PTPN4: variants seen among roughly 807,000 people sequenced by gnomAD.
PTPN4 encodes the protein protein tyrosine phosphatase non-receptor type 4.
Under a neutral mutation model 135.5 loss-of-function variants are expected in PTPN4, and 49 were observed. The observed-to-expected ratio is 0.36, with a 90% CI of 0.29 to 0.46. PTPN4 has a LOEUF of 0.46. Ranked by LOEUF, PTPN4 falls within the 20% of genes least tolerant of loss-of-function variation. The probability of loss-of-function intolerance (pLI) is 1.00; values close to 1 mark genes in which losing one functional copy is unlikely to be tolerated. For missense variants in PTPN4, 860 were observed against 1,101.0 expected (o/e 0.78, Z 3.10); for synonymous variants, 333 against 369.9 (o/e 0.90, Z 1.14).
intron 2 of PTPN4, among the ~76,000 whole-genome samples, chr2:119,818,332 C>T (rs529528482): frequency 1.3e-5 from 2 of 152,294 alleles, no homozygotes; most frequent in Non-Finnish European, 2.9e-5. Context: ...GCTAATTTGT[C>T]GTTGTATATT....
At chr2:119,838,577 T>A (rs147025108) in intron 2 of PTPN4, among the ~76,000 whole-genome samples, 85 of 152,346 alleles carry the variant, frequency 5.6e-4, no homozygotes, top group Non-Finnish European at 1.1e-3. Flanking sequence ...GCAGTTGTTA[T>A]TGACTTAAAA....
chr2:119,957,125 A>G (rs1428890077), intron 22 of PTPN4, 48 bp downstream of exon 22: 2 of 1,513,828 alleles, frequency 1.3e-6, no homozygotes, highest in African/African-American at 2.8e-5. Flanking sequence ...AATACGAGCC[A>G]CTATGAACTT....
At chr2:119,962,148 A>G (rs919795513) in intron 23 of PTPN4, among the ~76,000 whole-genome samples, 3 of 152,138 alleles carry the variant, frequency 2.0e-5, no homozygotes, top group African/African-American at 7.2e-5. Context: ...TTAAAAAGGG[A>G]AAAAAGTGAC....
At chr2:119,972,091 T>C (rs1291991142) in intron 26 of PTPN4, among the ~76,000 whole-genome samples, 2 of 152,184 alleles carry the variant, frequency 1.3e-5, no homozygotes, top group Non-Finnish European at 1.5e-5. Context: ...CGTAACTCTT[T>C]TTCATTTTCC....
At chr2:119,914,437 A>G (rs188231758) in intron 10 of PTPN4, among the ~76,000 whole-genome samples, 218 of 152,042 alleles carry the variant, frequency 1.4e-3, no homozygotes, top group Non-Finnish European at 2.3e-3. Context: ...TGACTCATGC[A>G]TTTGCCTCTT....
At chr2:119,853,010 G>A (rs1429762447) in intron 2 of PTPN4, among the ~76,000 whole-genome samples, 1 of 152,090 alleles carries the variant, frequency 6.6e-6, no homozygotes, top group Non-Finnish European at 1.5e-5. Context: ...CAGTTATTCT[G>A]AATTTAGTAA....
chr2:119,845,998 A>G (rs1677493324), intron 2 of PTPN4, among the ~76,000 whole-genome samples: 2 of 152,260 alleles, frequency 1.3e-5, no homozygotes, highest in African/African-American at 4.8e-5. Context: ...TGAATTTTCC[A>G]AATTTCTTTC....
chr2:119,903,966 C>T (rs1408718908), intron 10 of PTPN4, among the ~76,000 whole-genome samples: 1 of 152,144 alleles, frequency 6.6e-6, no homozygotes, highest in Non-Finnish European at 1.5e-5. Context: ...GAATCAAAGC[C>T]AAAGCACCCT....
Position 119,975,681 on chromosome 2 carries a change from C to T in PTPN4, c.2695-1303C>T, listed in dbSNP as rs11894657. 3.7e-3 allele frequency among the ~76,000 whole-genome samples: 560 copies of T among 152,134 alleles called. 3 individuals carry two copies. Among genetic ancestry groups the T allele is most frequent in the African/African-American group, 0.013 (528 of 41,516 alleles). ...AGGAGGTTGCAGTAAGTCAAGATTG[C>T]GCCATTGAACTCTAGCCTGGGTGAC... On this transcript the variant is annotated intron_variant, in intron 26 of 26. Coordinates refer to ENST00000263708, the MANE Select transcript of PTPN4 (RefSeq NM_002830.4).
At chr2:119,804,068 T>C (rs1691423047) in intron 1 of PTPN4, among the ~76,000 whole-genome samples, 1 of 152,128 alleles carries the variant, frequency 6.6e-6, no homozygotes, top group African/African-American at 2.4e-5. Context: ...GACAGCATTA[T>C]AGCTGGGCCA....
intron 9 of PTPN4, among the ~76,000 whole-genome samples, chr2:119,898,394 T>C (rs1191267855): frequency 6.6e-6 from 1 of 152,090 alleles, no homozygotes; most frequent in African/African-American, 2.4e-5. Context: ...GAGTAGAAGA[T>C]TTTTACCAGT....
At chr2:119,762,381 A>C (rs1173875610) in intron 1 of PTPN4, among the ~76,000 whole-genome samples, 2 of 152,042 alleles carry the variant, frequency 1.3e-5, no homozygotes, top group Non-Finnish European at 2.9e-5. Context: ...GGTTGTTATT[A>C]AACTGTGATT....
At chr2:119,899,067 G>T (rs981417724) in intron 9 of PTPN4, among the ~76,000 whole-genome samples, 1 of 152,112 alleles carries the variant, frequency 6.6e-6, no homozygotes, top group Non-Finnish European at 1.5e-5. Context: ...TTATGTGATG[G>T]TTAAGGTGGG....
At chr2:119,835,961 T>C (rs1280140635) in intron 2 of PTPN4, among the ~76,000 whole-genome samples, 1 of 151,144 alleles carries the variant, frequency 6.6e-6, no homozygotes, top group Non-Finnish European at 1.5e-5. Context: ...CCCAGCTACT[T>C]GGGAGGCTGA....
intron 9 of PTPN4, among the ~76,000 whole-genome samples, chr2:119,895,965 G>A (rs1380546224): frequency 6.6e-6 from 1 of 151,130 alleles, no homozygotes; most frequent in Non-Finnish European, 1.5e-5. Context: ...ACAAGAGAAA[G>A]TGAAATGAAC....
In PTPN4 at chr2:119,957,005, A is replaced by C. The variant is rs756333903; in HGVS notation, c.2072-11A>C. 7 of 1,608,310 alleles carry C rather than the reference A, an allele frequency of 4.4e-6. No individual in the cohort carries two copies. The highest frequency in any genetic ancestry group is 1.3e-5 in the African/African-American group (1 of 74,540). ...CTTTACTAAAACATTATTTCTTTTA[A>C]ATTTTTTTAGATGATGCCACACGGG... is the stretch of plus-strand genomic sequence containing the variant. On this transcript the variant is annotated splice_polypyrimidine_tract_variant and intron_variant, in intron 21 of 26. Coordinates refer to ENST00000263708, the MANE Select transcript of PTPN4 (RefSeq NM_002830.4).
chr2:119,931,142 T>C (rs189610647), intron 13 of PTPN4, among the ~76,000 whole-genome samples: 53 of 152,252 alleles, frequency 3.5e-4, no homozygotes, highest in African/African-American at 1.3e-3. Context: ...ATATAGTTTT[T>C]ATATGCTTCA....
At chr2:119,920,292 C>G in intron 12 of PTPN4, 51 bp downstream of exon 12, 1 of 1,505,782 alleles carries the variant, frequency 6.6e-7, no homozygotes, top group Non-Finnish European at 9.0e-7. Flanking sequence ...TGTTTCCTTT[C>G]TTTAAAATAA....
At chr2:119,919,195 T>C (rs1022082851) in intron 11 of PTPN4, among the ~76,000 whole-genome samples, 2 of 152,208 alleles carry the variant, frequency 1.3e-5, no homozygotes, top group African/African-American at 4.8e-5. Context: ...TTATGGGATG[T>C]GAATGTTGCT....
Sources: allele counts gnomAD v4.1 joint callset (sites outside exome capture counted in the v4.1 genomes callset), GRCh38; gene constraint gnomAD v4.1.1; transcripts MANE v1.5; gene names NCBI Gene and HGNC (gene_info 2026-07-23, HGNC 2026-07-21).